ATE1: variants seen among roughly 807,000 people sequenced by gnomAD.
The protein encoded by ATE1 is arginyltransferase 1, also known as arginyl-tRNA--protein transferase 1.
A neutral mutation model predicts 70.5 loss-of-function variants in ATE1; 36 were observed. That is an observed-to-expected ratio of 0.51 (90% CI 0.39 to 0.67). The LOEUF (loss-of-function observed/expected upper bound fraction) is 0.67, where lower values mean the gene tolerates loss of function less well. Among genes scored for constraint, ATE1 ranks in the 30% least tolerant of loss-of-function variants. The pLI is 0.00. For missense variants in ATE1, 593 were observed against 629.5 expected, an observed-to-expected ratio of 0.94 and a Z score of 0.62; for synonymous variants, 232 against 219.3, an observed-to-expected ratio of 1.06 and a Z score of -0.51.
chr10:121,824,093 T>G (rs1347652779), intron 10 of ATE1, among the ~76,000 whole-genome samples: 2 of 152,190 alleles, frequency 1.3e-5, no homozygotes, highest in African/African-American at 4.8e-5. Flanking sequence ...GTGATGACCA[T>G]GAGAATTCTT....
At chr10:121,915,884 C>CTG (rs1951631429) in intron 3 of ATE1, among the ~76,000 whole-genome samples, 1 of 143,760 alleles carries the variant, frequency 7.0e-6, no homozygotes, top group African/African-American at 2.6e-5. Flanking sequence ...GAGTGAGACT[C>CTG]CATCTCAAAA....
chr10:121,884,522 C>A (rs1950321560), intron 7 of ATE1, among the ~76,000 whole-genome samples: 1 of 151,930 alleles, frequency 6.6e-6, no homozygotes, highest in African/African-American at 2.4e-5. Context: ...CCCTGGAGTT[C>A]AAGGCTGCCG....
At chr10:121,818,336 C>G (rs17102619) in intron 10 of ATE1, among the ~76,000 whole-genome samples, 4,882 of 150,602 alleles carry the variant, frequency 0.032, 146 homozygotes, top group African/African-American at 0.081. Context: ...ATTATCACAC[C>G]ATTAAGAGAA....
At chr10:121,903,582 G>C (rs1373390918) in intron 5 of ATE1, among the ~76,000 whole-genome samples, 1 of 152,078 alleles carries the variant, frequency 6.6e-6, no homozygotes, top group Non-Finnish European at 1.5e-5. Context: ...AGCTACTCAG[G>C]AGGCTGAGGC....
chr10:121,916,994 T>C (rs1312194776), intron 3 of ATE1, among the ~76,000 whole-genome samples: 1 of 151,418 alleles, frequency 6.6e-6, no homozygotes, highest in Non-Finnish European at 1.5e-5. Flanking sequence ...TGAAACCCCA[T>C]CTCTACTAAA....
intron 8 of ATE1, among the ~76,000 whole-genome samples, chr10:121,852,876 A>T (rs1285502201): frequency 1.3e-5 from 2 of 152,212 alleles, no homozygotes; most frequent in African/African-American, 4.8e-5. Context: ...TCACTGTTAA[A>T]ATGGCACATA....
At chr10:121,839,162 T>C (rs1948538132) in intron 9 of ATE1, among the ~76,000 whole-genome samples, 1 of 152,160 alleles carries the variant, frequency 6.6e-6, no homozygotes, top group Admixed American at 6.5e-5. Flanking sequence ...CTGGCAAACC[T>C]TTCATGACCT....
At chr10:121,832,432 GCT>G (rs1384801451) in intron 10 of ATE1, among the ~76,000 whole-genome samples, 1 of 152,170 alleles carries the variant, frequency 6.6e-6, no homozygotes, top group Non-Finnish European at 1.5e-5. Context: ...ATATGGTTAG[GCT>G]CTGTGTCCCC....
chr10:121,833,490 G>A (rs1948323699), intron 10 of ATE1, among the ~76,000 whole-genome samples: 1 of 152,164 alleles, frequency 6.6e-6, no homozygotes, highest in South Asian at 2.1e-4. Flanking sequence ...TGTATGCACA[G>A]GAGATAGACT....
chr10:121,900,108 C>A, intron 6 of ATE1, 114 bp from the exon 7 acceptor site: 1 of 1,149,898 alleles, frequency 8.7e-7, no homozygotes, highest in Non-Finnish European at 1.2e-6. Context: ...ATTATTAAAG[C>A]ACCTAAATAT....
intron 3 of ATE1, among the ~76,000 whole-genome samples, chr10:121,918,906 C>T (rs1017188207): frequency 7.9e-5 from 12 of 152,030 alleles, no homozygotes; most frequent in East Asian, 1.9e-4. Context: ...CCCCAATCGG[C>T]GCTCTGTAGC....
intron 10 of ATE1, among the ~76,000 whole-genome samples, chr10:121,815,061 A>C (rs539974784): frequency 4.6e-5 from 7 of 152,358 alleles, no homozygotes; most frequent in Non-Finnish European, 8.8e-5. Flanking sequence ...CAGAAAAACA[A>C]TGATTTACAT....
intron 7 of ATE1, among the ~76,000 whole-genome samples, chr10:121,882,245 A>C (rs1478966051): frequency 6.6e-6 from 1 of 152,254 alleles, no homozygotes; most frequent in Non-Finnish European, 1.5e-5. Context: ...AATGTAAAAC[A>C]TATGTTCTTT....
chr10:121,803,825 TA>T (rs1451761324), intron 10 of ATE1, among the ~76,000 whole-genome samples: 1 of 152,246 alleles, frequency 6.6e-6, no homozygotes, highest in African/African-American at 2.4e-5. Flanking sequence ...AAGTTAGCTT[TA>T]ACCTCATATT....
chr10:121,755,095 A>T (rs1944740578), intron 11 of ATE1, among the ~76,000 whole-genome samples: 1 of 152,230 alleles, frequency 6.6e-6, no homozygotes, highest in Non-Finnish European at 1.5e-5. Context: ...GTAACACAGG[A>T]TCCTCACTTG....
chr10:121,917,795 C>G (rs1210758630), intron 3 of ATE1, among the ~76,000 whole-genome samples: 1 of 152,050 alleles, frequency 6.6e-6, no homozygotes, highest in Non-Finnish European at 1.5e-5. Flanking sequence ...TTTTCCAAAA[C>G]AAACTTTATT....
intron 7 of ATE1, among the ~76,000 whole-genome samples, chr10:121,873,705 AG>A (rs974306444): frequency 4.0e-5 from 6 of 151,204 alleles, no homozygotes; most frequent in African/African-American, 1.5e-4. Flanking sequence ...AAAAAAAAAA[AG>A]GTACCAGAAA....
intron 8 of ATE1, among the ~76,000 whole-genome samples, chr10:121,859,919 C>A (rs147141649): frequency 6.6e-6 from 1 of 151,984 alleles, no homozygotes; most frequent in Non-Finnish European, 1.5e-5. Context: ...GCAGACTGGG[C>A]GACACAGTGA....
intron 10 of ATE1, among the ~76,000 whole-genome samples, chr10:121,818,540 C>T (rs932958436): frequency 4.6e-5 from 7 of 152,062 alleles, no homozygotes; most frequent in Admixed American, 3.3e-4. Flanking sequence ...AAGAGCAGGC[C>T]GCATATGCTT....
Sources: gnomAD v4.1 joint callset for allele counts (sites outside exome capture counted in the v4.1 genomes callset) on GRCh38, gnomAD v4.1.1 for gene constraint, MANE v1.5 for transcripts, NCBI Gene and HGNC (gene_info 2026-07-23, HGNC 2026-07-21) for gene names.